SLC14A2: variants seen among roughly 807,000 people sequenced by gnomAD.
The protein encoded by SLC14A2 is solute carrier family 14 member 2.
Under a neutral mutation model 104.6 loss-of-function variants are expected in SLC14A2, and 91 were observed. That is an observed-to-expected ratio of 0.87 (90% CI 0.73 to 1.04). SLC14A2 has a LOEUF of 1.04. SLC14A2 is among the 50% of genes least tolerant of loss of function. SLC14A2 has a pLI of 0.00. For missense variants in SLC14A2, 1,189 were observed against 1,156.0 expected, an observed-to-expected ratio of 1.03 and a Z score of -0.41; for synonymous variants, 476 against 466.4, an observed-to-expected ratio of 1.02 and a Z score of -0.27.
chr18:45,170,039 A>G, the SLC14A2 span, among the ~76,000 whole-genome samples: 1 of 152,206 alleles, frequency 6.6e-6, no homozygotes, highest in Non-Finnish European at 1.5e-5. Context: ...GATGAGTAAA[A>G]TCTTTCAGAA....
the SLC14A2 span, among the ~76,000 whole-genome samples, chr18:45,191,582 G>A: frequency 7.9e-5 from 12 of 152,246 alleles, no homozygotes; most frequent in Non-Finnish European, 1.8e-4. Flanking sequence ...AGTCCAGTTC[G>A]GGCTGTTTCT....
chr18:45,287,407 T>C (rs184294789), intron 1 of SLC14A2, among the ~76,000 whole-genome samples: 23 of 152,318 alleles, frequency 1.5e-4, no homozygotes, highest in Admixed American at 2.6e-4. Context: ...GTGAACCTAG[T>C]GTGCTGGTCA....
At chr18:45,257,894 C>T (rs75115282) in intron 1 of SLC14A2, among the ~76,000 whole-genome samples, 5 of 152,144 alleles carry the variant, frequency 3.3e-5, no homozygotes, top group Non-Finnish European at 4.4e-5. Flanking sequence ...AGCCACAGAA[C>T]ATCCTCTGGG....
upstream of SLC14A2, among the ~76,000 whole-genome samples, chr18:45,614,632 G>A (rs1163694991): frequency 6.6e-6 from 1 of 152,146 alleles, no homozygotes; most frequent in Non-Finnish European, 1.5e-5. Flanking sequence ...TGGAGTCAAA[G>A]GAGATTATTT....
intron 1 of SLC14A2, among the ~76,000 whole-genome samples, chr18:45,285,100 A>G (rs2084800291): frequency 6.6e-6 from 1 of 152,180 alleles, no homozygotes. Flanking sequence ...CTCTAACATT[A>G]ACACCTTATG....
intron 1 of SLC14A2, among the ~76,000 whole-genome samples, chr18:45,242,182 G>A (rs1409713295): frequency 1.3e-5 from 2 of 152,112 alleles, no homozygotes; most frequent in Non-Finnish European, 1.5e-5. Flanking sequence ...GCTAAGCCCA[G>A]GCCCAGTTTG....
At chr18:45,545,705 C>T (rs191972588) in intron 2 of SLC14A2, among the ~76,000 whole-genome samples, 228 of 152,266 alleles carry the variant, frequency 1.5e-3, no homozygotes, top group African/African-American at 5.1e-3. Flanking sequence ...GCTGGGTTTT[C>T]ATTGGTCACT....
intron 1 of SLC14A2, among the ~76,000 whole-genome samples, chr18:45,325,012 C>CTG (rs2085221047): frequency 6.6e-6 from 1 of 152,162 alleles, no homozygotes; most frequent in South Asian, 2.1e-4. Context: ...AAGATGGGTG[C>CTG]TGTGCAGGGC....
chr18:45,572,397 T>C (rs1212664341), intron 2 of SLC14A2, among the ~76,000 whole-genome samples: 1 of 152,228 alleles, frequency 6.6e-6, no homozygotes, highest in Non-Finnish European at 1.5e-5. Context: ...CAGGTTCTTT[T>C]GCCTTCTGTC....
chr18:45,571,086 G>T (rs929791118), intron 2 of SLC14A2, among the ~76,000 whole-genome samples: 1 of 152,156 alleles, frequency 6.6e-6, no homozygotes, highest in African/African-American at 2.4e-5. Flanking sequence ...AGAGTTTATT[G>T]GTTGATTCTC....
rs879556063 is a variant in SLC14A2 at position 45,682,690 on chromosome 18, A to G, written c.*171A>G. ...CCAGAACCTCTCTTTTCTAAGATGC[A>G]CAACACTTATCAAAGATATGTTTAG... On this transcript the variant is annotated 3_prime_UTR_variant, in exon 20 of 20. Transcript: ENST00000255226. The G allele has an allele frequency of 1.3e-5, 8 of 622,232 alleles. No individual in the cohort carries two copies. The highest frequency in any genetic ancestry group is 5.5e-5 in the East Asian group (2 of 36,288). The allele number at this position is 622,232 out of a possible 1,614,324, so 38.5% of individuals were successfully genotyped here. A position where few individuals can be genotyped will look rare whatever the true frequency, so the allele number is the denominator to read the frequency against.
At position 45,627,085 on chromosome 18, in the gene SLC14A2, A is replaced by G. The variant is rs1184363293; in HGVS notation, c.459A>G (p.Thr153=). 1.9e-6 allele frequency: 3 copies of G among 1,614,066 alleles called. No homozygotes were observed. Among genetic ancestry groups the G allele is most frequent in the Non-Finnish European group, 8.5e-7 (1 of 1,180,014 alleles). The change falls in exon 4 of 20, where the codon ACA becomes ACG. Residue 153 remains threonine, a synonymous_variant. Transcript: ENST00000255226. ...IGLLIQNPWW[T]ITGGLGTVVS... ...TGCTGATCCAGAATCCCTGGTGGAC[A>G]ATCACTGGGGGCCTGGGGACAGTGG...
chr18:45,206,266 G>C, the SLC14A2 span, among the ~76,000 whole-genome samples: 1 of 152,166 alleles, frequency 6.6e-6, no homozygotes. Context: ...TGGTGTAGTG[G>C]AAAGGCTGTA....
chr18:45,357,310 C>T lies in SLC14A2; in HGVS notation c.-124-125923C>T, dbSNP rs757186421. ...GAAAACAGATCTTGAGGGGGAAATA[C>T]GGTGGAATTGGAAGAAAGAGGCCAG... On this transcript the variant is annotated intron_variant, in intron 1 of 20. Transcript: ENST00000586448. Among the ~76,000 whole-genome samples the T allele has an allele frequency of 1.8e-4, 26 of 141,534 alleles. No homozygotes were observed. The Middle Eastern group carries it at 0.012, about 65-fold the overall frequency. 92.9% of individuals were successfully genotyped at this position (141,534 alleles called of 152,430 possible). A position where few individuals can be genotyped will look rare whatever the true frequency, so the allele number is the denominator to read the frequency against.
intron 2 of SLC14A2, among the ~76,000 whole-genome samples, chr18:45,571,586 T>G (rs2044346052): frequency 6.6e-6 from 1 of 152,272 alleles, no homozygotes; most frequent in Non-Finnish European, 1.5e-5. Flanking sequence ...GTAATGGTCC[T>G]AGTCCGTAGC....
At chr18:45,403,348 T>C (rs1292647201) in intron 1 of SLC14A2, among the ~76,000 whole-genome samples, 1 of 152,228 alleles carries the variant, frequency 6.6e-6, no homozygotes, top group East Asian at 1.9e-4. Context: ...ACAGGAATTT[T>C]AAGAGCACAA....
the SLC14A2 span, among the ~76,000 whole-genome samples, chr18:45,187,637 A>G: frequency 6.6e-6 from 1 of 152,072 alleles, no homozygotes; most frequent in Admixed American, 6.6e-5. Flanking sequence ...AAGAGCCCCC[A>G]AGAAGGTGAA....
In SLC14A2 at chr18:45,641,189, T is replaced by C; in HGVS notation, c.992-20T>C. The C allele has an allele frequency of 6.2e-7, 1 of 1,612,474 alleles. No homozygotes were observed. The highest frequency in any genetic ancestry group is 8.5e-7 in the Non-Finnish European group (1 of 1,178,804). On this transcript the variant is annotated intron_variant, in intron 7 of 19. Coordinates refer to ENST00000255226, the MANE Select transcript of SLC14A2 (RefSeq NM_007163.4). Reference sequence around the variant, plus strand: ...TCTGTGGCCCAGAATCAGACAGAAATACCACACCTTGTCCCATAGCCCTGT... The same window carrying C: ...TCTGTGGCCCAGAATCAGACAGAAACACCACACCTTGTCCCATAGCCCTGT...
At chr18:45,508,796 G>A (rs2043322921) in intron 2 of SLC14A2, among the ~76,000 whole-genome samples, 1 of 152,122 alleles carries the variant, frequency 6.6e-6, no homozygotes, top group Non-Finnish European at 1.5e-5. Flanking sequence ...AGGGCTACTA[G>A]GTTCAAGGCA....
Sources: gnomAD v4.1 joint callset for allele counts (sites outside exome capture counted in the v4.1 genomes callset) on GRCh38, gnomAD v4.1.1 for gene constraint, MANE v1.5 for transcripts, NCBI Gene and HGNC (gene_info 2026-07-23, HGNC 2026-07-21) for gene names.